The following RIN2 variants were observed in gnomAD, a reference collection of about 807,000 sequenced individuals.
The protein encoded by RIN2 is RAB5 interacting protein 2.
In RIN2, 36 loss-of-function variants were observed where a neutral mutation model predicts 78.0. That is an observed-to-expected ratio of 0.46 (90% CI 0.35 to 0.61). The LOEUF (loss-of-function observed/expected upper bound fraction) is 0.61, where lower values mean the gene tolerates loss of function less well. RIN2 is among the 20% of genes least tolerant of loss of function. The pLI is 0.00. For synonymous variants in RIN2, 466 were observed against 466.8 expected (o/e 1.00, Z 0.02); for missense variants, 1,087 against 1,159.7 (o/e 0.94, Z 0.91).
intron 2 of RIN2, among the ~76,000 whole-genome samples, chr20:19,876,254 C>T (rs1005809008): frequency 6.6e-6 from 1 of 152,128 alleles, no homozygotes; most frequent in African/African-American, 2.4e-5. Context: ...AGAAATAATG[C>T]ACAGCTCTGC....
intron 4 of RIN2, among the ~76,000 whole-genome samples, chr20:19,936,247 TC>T (rs892186238): frequency 4.6e-5 from 7 of 152,068 alleles, no homozygotes; most frequent in Middle Eastern, 3.2e-3. Flanking sequence ...AACCAGATGG[TC>T]CCCCTGCTCC....
chr20:19,924,549 CTT>C (rs1198748386), intron 3 of RIN2, among the ~76,000 whole-genome samples: 3 of 8,612 alleles, frequency 3.5e-4, no homozygotes, highest in Admixed American at 1.2e-3. Flanking sequence ...CATACCCCCT[CTT>C]CATACCCCAC....
chr20:19,929,990 TG>T (rs1472121906), intron 3 of RIN2, among the ~76,000 whole-genome samples: 3 of 149,936 alleles, frequency 2.0e-5, no homozygotes, highest in African/African-American at 7.4e-5. Flanking sequence ...GGACTGGCCC[TG>T]GAACACTAAA....
At chr20:19,804,845 C>G (rs1299563422) in intron 2 of RIN2, among the ~76,000 whole-genome samples, 2 of 151,808 alleles carry the variant, frequency 1.3e-5, no homozygotes, top group Non-Finnish European at 2.9e-5. Flanking sequence ...TTTTGTTTTG[C>G]TGTTGTTGTT....
At chr20:19,781,196 A>G (rs1379303781) in intron 1 of RIN2, among the ~76,000 whole-genome samples, 2 of 152,208 alleles carry the variant, frequency 1.3e-5, no homozygotes, top group Non-Finnish European at 2.9e-5. Context: ...ACTTCCATCC[A>G]TATTTTACTG....
At chr20:19,847,126 G>C (rs2036810387) in intron 2 of RIN2, among the ~76,000 whole-genome samples, 1 of 152,220 alleles carries the variant, frequency 6.6e-6, no homozygotes, top group Non-Finnish European at 1.5e-5. Context: ...TTTTGTCACT[G>C]AATAGGATAA....
chr20:20,000,754 C>A lies in RIN2; in HGVS notation c.2506C>A (p.Leu836Ile). The A allele has an allele frequency of 6.2e-7, 1 of 1,614,008 alleles. No homozygotes were observed. The highest frequency in any genetic ancestry group is 8.5e-7 in the Non-Finnish European group (1 of 1,179,894). Reference sequence around the variant, plus strand: ...GGTGGGGGACCCTGAGGAGTACAGCCTCTTTCTCTTCGTTGACGAGACATG... The same window carrying A: ...GGTGGGGGACCCTGAGGAGTACAGCATCTTTCTCTTCGTTGACGAGACATG... ...FKVGDPEEYS[L>I]FLFVDETWQQ... The change falls in exon 13 of 13, where the codon CTC becomes ATC. Residue 836 changes from leucine (L) to isoleucine (I), a missense_variant. By Grantham distance (5) the Leu-to-Ile change is conservative. This residue lies in a region of RIN2 where 160 missense variants were observed against 179.4 expected (regional missense o/e 0.89). Coordinates refer to ENST00000255006, the MANE Select transcript of RIN2 (RefSeq NM_018993.4).
intron 3 of RIN2, among the ~76,000 whole-genome samples, chr20:19,917,799 A>C (rs879500254): frequency 6.6e-6 from 1 of 152,244 alleles, no homozygotes; most frequent in Non-Finnish European, 1.5e-5. Flanking sequence ...AAGGCGGAAT[A>C]GCATTCCATC....
rs757968440 is a variant in RIN2, at chr20:19,975,579, C to T, written c.1554C>T (p.Ile518=). ...MTPEKRMVRR[I]AELSRDKCTY... Reference sequence around the variant, plus strand: ...CGGAGAAGCGGATGGTCCGCAGGATCGCCGAGCTTTCCCGGGACAAATGCA... The same window carrying T: ...CGGAGAAGCGGATGGTCCGCAGGATTGCCGAGCTTTCCCGGGACAAATGCA... Residue 518 remains isoleucine (I), a synonymous_variant, in exon 9 of 13, where the codon ATC becomes ATT. Coordinates refer to ENST00000255006, the MANE Select transcript of RIN2 (RefSeq NM_018993.4). This position sits in a 1 kb window ranked among gnomAD's most constrained non-coding sequence, Gnocchi z 4.9. 3.1e-6 allele frequency: 5 copies of T among 1,613,898 alleles called. No homozygotes were observed. The highest frequency in any genetic ancestry group is 3.3e-5 in the Admixed American group (2 of 60,000).
chr20:19,895,826 T>A (rs1305634822), intron 3 of RIN2: 1 of 152,248 alleles, frequency 6.6e-6, no homozygotes, highest in Non-Finnish European at 1.5e-5. Context: ...AGAAACTACA[T>A]TGCTGAAATC....
At chr20:19,800,530 T>C (rs2035207645) in intron 2 of RIN2, among the ~76,000 whole-genome samples, 1 of 152,168 alleles carries the variant, frequency 6.6e-6, no homozygotes. Flanking sequence ...CTAAATCCCT[T>C]AGGATACATG....
intron 3 of RIN2, among the ~76,000 whole-genome samples, chr20:19,918,987 A>C (rs559069844): frequency 1.3e-5 from 2 of 152,196 alleles, no homozygotes; most frequent in South Asian, 4.1e-4. Context: ...CTACTCTCCA[A>C]TGGAGTTTCT....
rs182114175 is a variant in RIN2, at chr20:19,919,111, A to G, written c.58-15988A>G. Among the ~76,000 whole-genome samples, 554 of 152,342 alleles carry G rather than the reference A, an allele frequency of 3.6e-3. 3 individuals are homozygous for G. Among genetic ancestry groups the G allele is most frequent in the African/African-American group, 0.012 (491 of 41,572 alleles). On this transcript the variant is annotated intron_variant, in intron 3 of 12. Coordinates refer to ENST00000255006, the MANE Select transcript of RIN2 (RefSeq NM_018993.4). ...AGCTGAGGTGGAGCAACTGTTTGCCATGTGGGAATCTGCTCTTGTCAGCCT... is the reference window on the plus strand; with the variant it reads ...AGCTGAGGTGGAGCAACTGTTTGCCGTGTGGGAATCTGCTCTTGTCAGCCT...
At chr20:19,788,236 C>T (rs2034749260) in intron 1 of RIN2, among the ~76,000 whole-genome samples, 1 of 151,948 alleles carries the variant, frequency 6.6e-6, no homozygotes, top group Admixed American at 6.6e-5. Flanking sequence ...CTGTATTCAA[C>T]AATATACTGG....
At chr20:19,911,402 C>T (rs2039460451) in intron 3 of RIN2, among the ~76,000 whole-genome samples, 1 of 152,188 alleles carries the variant, frequency 6.6e-6, no homozygotes, top group Admixed American at 6.5e-5. Context: ...CTCTATATAG[C>T]TACATATGTA....
chr20:19,888,201 C>T (rs938683662), intron 2 of RIN2, among the ~76,000 whole-genome samples: 3 of 151,986 alleles, frequency 2.0e-5, no homozygotes, highest in Admixed American at 6.6e-5. Context: ...CACAAAGAGA[C>T]GATGGTTCTG....
chr20:19,845,588 T>G (rs2036756048), intron 2 of RIN2, among the ~76,000 whole-genome samples: 1 of 130,112 alleles, frequency 7.7e-6, no homozygotes, highest in Non-Finnish European at 1.7e-5. Flanking sequence ...TTTTTTTTTT[T>G]GTAAATTTGT....
rs555604586 is a variant in RIN2, at chr20:19,940,960, G to C, written c.158+5761G>C. Among the ~76,000 whole-genome samples, 4 of 152,310 alleles carry C rather than the reference G, an allele frequency of 2.6e-5. No homozygotes were observed. In the East Asian group the frequency reaches 7.7e-4, roughly 29 times the overall value. Reference sequence around the variant, plus strand: ...GATCCCTGGCATCCTGGCTAGAGCAGGTCAGTGAGAACTGCAGCTCATCCC... The same window carrying C: ...GATCCCTGGCATCCTGGCTAGAGCACGTCAGTGAGAACTGCAGCTCATCCC... On this transcript the variant is annotated intron_variant, in intron 4 of 12. Transcript: ENST00000255006.
chr20:19,832,445 T>C (rs995236052), intron 2 of RIN2, among the ~76,000 whole-genome samples: 3 of 149,904 alleles, frequency 2.0e-5, no homozygotes, highest in African/African-American at 2.5e-5. Flanking sequence ...TTTTTGGAAA[T>C]AGTAAAAAAG....
Sources: allele counts gnomAD v4.1 joint callset (sites outside exome capture counted in the v4.1 genomes callset), GRCh38; gene constraint gnomAD v4.1.1; regional missense constraint gnomAD v4.1.1; non-coding constraint Gnocchi (gnomAD v3.1); transcripts MANE v1.5; gene names NCBI Gene and HGNC (gene_info 2026-07-23, HGNC 2026-07-21).